INTS13: variants seen among roughly 807,000 people sequenced by gnomAD.
INTS13 encodes integrator complex subunit 13, also known as asunder, spermatogenesis regulator homolog (Drosphila).
INTS13 carries 35 observed loss-of-function variants against 90.2 expected under a neutral mutation model. The ratio of observed to expected loss-of-function variants is 0.39; its 90% CI spans 0.30 to 0.51. The LOEUF is 0.51. Ranked by LOEUF, INTS13 falls within the 20% of genes least tolerant of loss-of-function variation. The pLI, the probability that INTS13 is intolerant of heterozygous loss-of-function variation, is 0.80. For synonymous variants in INTS13, 309 were observed against 277.1 expected (o/e 1.11, Z -1.14); for missense variants, 601 against 851.2 (o/e 0.71, Z 3.66).
intron 3 of INTS13, among the ~76,000 whole-genome samples, chr12:26,933,256 G>A (rs1397632916): frequency 1.3e-5 from 2 of 152,188 alleles, no homozygotes; most frequent in East Asian, 3.9e-4. Context: ...TCCCAGGAAT[G>A]GATATTCCTG....
At position 26,913,971 on chromosome 12, in the gene INTS13, T is replaced by C. The variant is rs764474988; in HGVS notation, c.1574+3A>G. ...ATAAAGTAAGAAAGAAAAAAAAATG[T>C]ACCTTTTAGGGCCCTTTCCTCTTGT... On this transcript the variant is annotated splice_donor_region_variant and intron_variant, in intron 13 of 16. Transcript: ENST00000261191. 1 of 1,595,258 alleles carries C rather than the reference T, an allele frequency of 6.3e-7. No homozygotes were observed. Among genetic ancestry groups the C allele is most frequent in the South Asian group, 1.2e-5 (1 of 86,202 alleles).
chr12:26,909,397 C>CA (rs1247312284), intron 15 of INTS13, among the ~76,000 whole-genome samples: 2 of 151,702 alleles, frequency 1.3e-5, no homozygotes, highest in African/African-American at 4.8e-5. Context: ...ACCCTATGGA[C>CA]ACACCATTAT....
chr12:26,909,411 G>A (rs1346278158), intron 15 of INTS13, among the ~76,000 whole-genome samples: 2 of 150,674 alleles, frequency 1.3e-5, no homozygotes, highest in Non-Finnish European at 2.9e-5. Flanking sequence ...CCATTATTCA[G>A]TCATTTTCCT....
intron 3 of INTS13, among the ~76,000 whole-genome samples, chr12:26,929,409 T>C (rs1938065228): frequency 6.6e-6 from 1 of 151,912 alleles, no homozygotes; most frequent in Admixed American, 6.6e-5. Flanking sequence ...GCCAAGGTGA[T>C]AGGAAAGAAA....
At chr12:26,918,299 C>T (rs1401418349) in intron 8 of INTS13, among the ~76,000 whole-genome samples, 1 of 152,222 alleles carries the variant, frequency 6.6e-6, no homozygotes, top group Middle Eastern at 3.4e-3. Flanking sequence ...GAAACACTAA[C>T]ATTATCAAGT....
At chr12:26,934,707 A>C in intron 2 of INTS13, 77 bp from the exon 3 acceptor site, 1 of 1,011,260 alleles carries the variant, frequency 9.9e-7, no homozygotes, top group Admixed American at 1.8e-5. Flanking sequence ...AGTAATATGC[A>C]ATTTGTAACA....
chr12:26,923,339 CT>C (rs765342287), intron 7 of INTS13, among the ~76,000 whole-genome samples: 1 of 152,102 alleles, frequency 6.6e-6, no homozygotes, highest in Non-Finnish European at 1.5e-5. Flanking sequence ...ATGTTATTTA[CT>C]TCTGCATCCA....
intron 11 of INTS13, among the ~76,000 whole-genome samples, chr12:26,915,384 T>G (rs79786085): frequency 0.069 from 10,556 of 152,258 alleles, 532 homozygotes; most frequent in South Asian, 0.18. Flanking sequence ...TTGATTAGGC[T>G]TCTCCTTATT....
intron 8 of INTS13, among the ~76,000 whole-genome samples, chr12:26,920,847 A>G (rs1029121476): frequency 6.6e-6 from 1 of 152,200 alleles, no homozygotes; most frequent in Non-Finnish European, 1.5e-5. Flanking sequence ...CTTTCATGTT[A>G]GCAGTTCATT....
intron 15 of INTS13, among the ~76,000 whole-genome samples, chr12:26,908,159 A>AT (rs1208971153): frequency 6.6e-6 from 1 of 152,214 alleles, no homozygotes; most frequent in Non-Finnish European, 1.5e-5. Flanking sequence ...AAGAGAAAAC[A>AT]TATCAGTAGT....
intron 6 of INTS13, among the ~76,000 whole-genome samples, chr12:26,925,071 G>A (rs753875568): frequency 6.6e-6 from 1 of 151,992 alleles, no homozygotes; most frequent in Non-Finnish European, 1.5e-5. Context: ...ATTATCAAAA[G>A]AGGCAGAAAA....
chr12:26,914,004 G>A lies in INTS13; in HGVS notation c.1544C>T (p.Thr515Ile). The A allele has an allele frequency of 6.2e-7, 1 of 1,610,264 alleles. No individual in the cohort carries two copies. Among genetic ancestry groups the A allele is most frequent in the Non-Finnish European group, 8.5e-7 (1 of 1,179,004 alleles). ...ERKNDPLPIS[T>I]VGTRGKGPKR... ...AGGGCCCTTTCCTCTTGTACCAACT[G>A]TGGAAATAGGTAGAGGATCATTTTT... is the stretch of plus-strand genomic sequence containing the variant. The change falls in exon 13 of 17, where the codon ACA (threonine) becomes ATA (isoleucine). Residue 515 changes from threonine to isoleucine, a missense_variant. By Grantham distance (89) the Thr-to-Ile change is moderately conservative (BLOSUM62 -1). Transcript: ENST00000261191.
chr12:26,934,228 G>A (rs1486881021), intron 3 of INTS13, among the ~76,000 whole-genome samples: 3 of 152,084 alleles, frequency 2.0e-5, no homozygotes, highest in Middle Eastern at 3.2e-3. Flanking sequence ...CCGAGATGGC[G>A]CAATGCACCC....
intron 15 of INTS13, among the ~76,000 whole-genome samples, chr12:26,910,311 A>T (rs79992187): frequency 0.01 from 1,567 of 152,314 alleles, 19 homozygotes; most frequent in African/African-American, 0.036. Context: ...CATATTTAAA[A>T]TTTCTTAAAA....
At chr12:26,909,468 T>C (rs1951711808) in intron 15 of INTS13, among the ~76,000 whole-genome samples, 1 of 143,008 alleles carries the variant, frequency 7.0e-6, no homozygotes, top group Non-Finnish European at 1.5e-5. Flanking sequence ...GTATAGATAA[T>C]ACTCTTTTTT....
At chr12:26,912,973 C>T (rs1951827740) in intron 14 of INTS13, among the ~76,000 whole-genome samples, 1 of 152,042 alleles carries the variant, frequency 6.6e-6, no homozygotes, top group Non-Finnish European at 1.5e-5. Flanking sequence ...TCAAGTGATC[C>T]ACCCGCCTCG....
At chr12:26,909,471 T>C (rs942069610) in intron 15 of INTS13, among the ~76,000 whole-genome samples, 1 of 125,914 alleles carries the variant, frequency 7.9e-6, no homozygotes, top group Non-Finnish European at 1.7e-5. Flanking sequence ...TAGATAATAC[T>C]CTTTTTTTTT....
intron 12 of INTS13, 103 bp downstream of exon 12, chr12:26,914,305 A>G: frequency 7.7e-7 from 1 of 1,294,258 alleles, no homozygotes; most frequent in Non-Finnish European, 1.0e-6. Context: ...CATATATTTC[A>G]TTCTTTGCTT....
intron 16 of INTS13, among the ~76,000 whole-genome samples, chr12:26,905,771 T>C (rs144861553): frequency 1.8e-4 from 28 of 152,296 alleles, no homozygotes; most frequent in African/African-American, 6.7e-4. Flanking sequence ...CAAAGGCCAC[T>C]GTTTTTTGTT....
Sources: allele counts gnomAD v4.1 joint callset (sites outside exome capture counted in the v4.1 genomes callset), GRCh38; gene constraint gnomAD v4.1.1; transcripts MANE v1.5; gene names NCBI Gene and HGNC (gene_info 2026-07-23, HGNC 2026-07-21).